Variants in KCNQ1 observed in about 807,000 individuals in gnomAD.
KCNQ1 encodes potassium voltage-gated channel subfamily KQT member 1.
Under a neutral mutation model 72.4 loss-of-function variants are expected in KCNQ1, and 49 were observed. That is an observed-to-expected ratio of 0.68 (90% CI 0.54 to 0.86). The LOEUF is 0.86. KCNQ1 is among the 40% of genes least tolerant of loss of function. The pLI is 0.00. For missense variants in KCNQ1, 790 were observed against 945.1 expected, an observed-to-expected ratio of 0.84 and a Z score of 2.15; for synonymous variants, 450 against 412.6, an observed-to-expected ratio of 1.09 and a Z score of -1.10.
At chr11:2,631,355 CAA>C in intron 10 of KCNQ1, 3 of 398,462 alleles carry the variant, frequency 7.5e-6, no homozygotes, top group Non-Finnish European at 1.3e-5. Flanking sequence ...TCTATTTGAT[CAA>C]GTCTGCTGCT....
In KCNQ1 at chr11:2,458,450, T is replaced by C. The variant is rs934740995; in HGVS notation, c.386+12966T>C. ...GGGGAAACCCAGTAGCTGATGGGGT[T>C]GCGTCCTTCTTTGGGACTCCCGCAG... On this transcript the variant is annotated intron_variant, in intron 1 of 15. Transcript: ENST00000155840. This position sits in a 1 kb window ranked among gnomAD's most constrained non-coding sequence, Gnocchi z 4.6. Among the ~76,000 whole-genome samples the C allele has an allele frequency of 6.6e-6, 1 of 152,250 alleles. No individual in the cohort carries two copies. The highest frequency in any genetic ancestry group is 2.4e-5 in the African/African-American group (1 of 41,464).
intron 11 of KCNQ1, among the ~76,000 whole-genome samples, chr11:2,730,196 C>A (rs1178126116): frequency 6.6e-6 from 1 of 152,182 alleles, no homozygotes; most frequent in Non-Finnish European, 1.5e-5. Flanking sequence ...CTGCACTAGT[C>A]CAGGCGGAGG....
At position 2,566,358 on chromosome 11, in the gene KCNQ1, C is replaced by T. The variant is rs1183385854; in HGVS notation, c.478-4270C>T. On this transcript the variant is annotated intron_variant, in intron 2 of 15. Coordinates refer to ENST00000155840, the MANE Select transcript of KCNQ1 (RefSeq NM_000218.3). This position sits in a 1 kb window ranked among gnomAD's most constrained non-coding sequence, Gnocchi z 6.7. Reference sequence around the variant, plus strand: ...CCTCACCTGCCAGTGTCCTCTCCCACACCCGAGGACACCTGTACCTTGTCC... The same window carrying T: ...CCTCACCTGCCAGTGTCCTCTCCCATACCCGAGGACACCTGTACCTTGTCC... Among the ~76,000 whole-genome samples the T allele has an allele frequency of 6.6e-6, 1 of 152,216 alleles. No individual in the cohort carries two copies. The highest frequency in any genetic ancestry group is 2.4e-5 in the African/African-American group (1 of 41,454).
intron 10 of KCNQ1, chr11:2,648,992 T>C (rs1389754024): frequency 5.2e-6 from 2 of 388,232 alleles, no homozygotes; most frequent in Non-Finnish European, 9.1e-6. Context: ...TTTTTTTTTT[T>C]TTTTTTTTTT....
chr11:2,579,620 C>T lies in KCNQ1; in HGVS notation c.922-3815C>T, dbSNP rs980367542. 3.9e-5 allele frequency among the ~76,000 whole-genome samples: 6 copies of T among 152,282 alleles called. No homozygotes were observed. The South Asian group carries it at 8.3e-4, about 21-fold the overall frequency. ...TAACTTGAGGATGAGGGTCTGGGGC[C>T]GGGTCTGGGCAGACAGGCAGACCAG... On this transcript the variant is annotated intron_variant, in intron 6 of 15. Coordinates refer to ENST00000155840, the MANE Select transcript of KCNQ1 (RefSeq NM_000218.3). The surrounding 1 kb of genome is among the most constrained non-coding windows in gnomAD (Gnocchi z 6.0).
chr11:2,515,160 AC>A lies in KCNQ1; in HGVS notation c.387-12765del, dbSNP rs1318602957. ...GTTATACTCAATAGGTAATTTTTCA[AC>A]CCTCCCCCTCTCACCCTCTCCACCT... is the stretch of plus-strand genomic sequence containing the variant. On this transcript the variant is annotated intron_variant, in intron 1 of 15. Transcript: ENST00000155840. This position sits in a 1 kb window ranked among gnomAD's most constrained non-coding sequence, Gnocchi z 4.7. Among the ~76,000 whole-genome samples, 5 of 151,242 alleles carry A rather than the reference AC, an allele frequency of 3.3e-5. No individual in the cohort carries two copies. Among genetic ancestry groups the A allele is most frequent in the Non-Finnish European group, 7.4e-5 (5 of 67,812 alleles).
intron 6 of KCNQ1, among the ~76,000 whole-genome samples, chr11:2,573,574 G>A (rs1256991526): frequency 6.6e-6 from 1 of 152,220 alleles, no homozygotes; most frequent in East Asian, 1.9e-4. Flanking sequence ...GGGCAGTGGC[G>A]ACATAGGTGC....
chr11:2,846,285 C>G (rs1281666002), intron 15 of KCNQ1, among the ~76,000 whole-genome samples: 2 of 152,218 alleles, frequency 1.3e-5, no homozygotes, highest in Non-Finnish European at 2.9e-5. Flanking sequence ...GTGCCTCTCT[C>G]TGGAGCCATA....
At chr11:2,607,394 T>C (rs1454372162) in intron 10 of KCNQ1, among the ~76,000 whole-genome samples, 1 of 152,206 alleles carries the variant, frequency 6.6e-6, no homozygotes, top group African/African-American at 2.4e-5. Context: ...ATGTATATGT[T>C]GAAATCCTAA....
intron 15 of KCNQ1, among the ~76,000 whole-genome samples, chr11:2,812,750 C>G (rs1027137424): frequency 6.6e-6 from 1 of 152,130 alleles, no homozygotes. Flanking sequence ...GTGGGCCCCA[C>G]GCCCCCGAGG....
At position 2,642,421 on chromosome 11, in the gene KCNQ1, T is replaced by C. The variant is rs569696531; in HGVS notation, c.1394-19540T>C. The C allele has an allele frequency of 2.3e-5, 9 of 398,102 alleles. No homozygotes were observed. Among genetic ancestry groups the C allele is most frequent in the South Asian group, 2.5e-4 (2 of 7,850 alleles). The allele number at this position is 398,102 out of a possible 1,614,324, so 24.7% of individuals were successfully genotyped here. A position where few individuals can be genotyped will look rare whatever the true frequency, so the allele number is the denominator to read the frequency against. The stretch of plus-strand genomic sequence containing the variant: ...TCTCAGCTGGTTCTTTATTGGTATA[T>C]AGAAATAAGCCTGATTTTTAAATCC... On this transcript the variant is annotated intron_variant, in intron 10 of 15. Transcript: ENST00000155840. This position sits in a 1 kb window ranked among gnomAD's most constrained non-coding sequence, Gnocchi z 4.3.
chr11:2,791,731 G>C (rs12790738), intron 15 of KCNQ1, among the ~76,000 whole-genome samples: 5,253 of 152,166 alleles, frequency 0.035, 138 homozygotes, highest in Non-Finnish European at 0.054. Context: ...TCCCGGGCTC[G>C]GGTTCTGGCC....
In KCNQ1 at chr11:2,676,482, G is replaced by C. The variant is rs1850296828; in HGVS notation, c.1514+14401G>C. 2 of 398,530 alleles carry C rather than the reference G, an allele frequency of 5.0e-6. No homozygotes were observed. The highest frequency in any genetic ancestry group is 8.8e-5 in the Admixed American group (2 of 22,706). 24.7% of individuals were successfully genotyped at this position (398,530 alleles called of 1,614,324 possible). On this transcript the variant is annotated intron_variant, in intron 11 of 15. Transcript: ENST00000155840. The surrounding 1 kb of genome is among the most constrained non-coding windows in gnomAD (Gnocchi z 4.2). ...CAGATTGTTAGCTGTAGTCTTTCTG[G>C]CATCAGTTCCATTTCTGGTGAACAC...
Position 2,827,862 on chromosome 11 carries a change from C to T in KCNQ1, c.1795-19905C>T, listed in dbSNP as rs898147864. On this transcript the variant is annotated intron_variant, in intron 15 of 15. Coordinates refer to ENST00000155840, the MANE Select transcript of KCNQ1 (RefSeq NM_000218.3). The surrounding 1 kb of genome is among the most constrained non-coding windows in gnomAD (Gnocchi z 6.7). ...AGAGGAAGGGGCGGGCAGAAGGCAG[C>T]GAGAGCTTTGTTTGGGGTGTGTCGA... is the stretch of plus-strand genomic sequence containing the variant. Among the ~76,000 whole-genome samples the T allele has an allele frequency of 6.6e-5, 10 of 152,212 alleles. No homozygotes were observed. The highest frequency in any genetic ancestry group is 2.4e-4 in the African/African-American group (10 of 41,522).
Position 2,508,106 on chromosome 11 carries a change from C to G in KCNQ1, c.387-19822C>G, listed in dbSNP as rs562313535. Among the ~76,000 whole-genome samples, 6 of 152,188 alleles carry G rather than the reference C, an allele frequency of 3.9e-5. No homozygotes were observed. The highest frequency in any genetic ancestry group is 8.8e-5 in the Non-Finnish European group (6 of 68,028). On this transcript the variant is annotated intron_variant, in intron 1 of 15. Coordinates refer to ENST00000155840, the MANE Select transcript of KCNQ1 (RefSeq NM_000218.3). This position sits in a 1 kb window ranked among gnomAD's most constrained non-coding sequence, Gnocchi z 6.2. The stretch of plus-strand genomic sequence containing the variant: ...CCCACAGAGCTGGCCTGGGCCCCAG[C>G]AGGGGTCTGTGTTGCCTTGGCCCCA...
chr11:2,677,621 G>T lies in KCNQ1; in HGVS notation c.1514+15540G>T. The T allele has an allele frequency of 2.5e-6, 1 of 398,378 alleles. No homozygotes were observed. 24.7% of individuals were successfully genotyped at this position (398,378 alleles called of 1,614,324 possible). On this transcript the variant is annotated intron_variant, in intron 11 of 15. Coordinates refer to ENST00000155840, the MANE Select transcript of KCNQ1 (RefSeq NM_000218.3). This position sits in a 1 kb window ranked among gnomAD's most constrained non-coding sequence, Gnocchi z 4.5. Reference sequence around the variant, plus strand: ...CTCTGGATTTGTTTTTTTCTAAAACGTGTACATAATTGTAACTCTAACAAC... The same window carrying T: ...CTCTGGATTTGTTTTTTTCTAAAACTTGTACATAATTGTAACTCTAACAAC...
Position 2,818,386 on chromosome 11 carries a change from C to T in KCNQ1, c.1795-29381C>T, listed in dbSNP as rs1282016305. ...GCCACCGTCCCAGGTGTGGCTAAGG[C>T]CCCCACAGAGTGTGCATCCTAAGGT... On this transcript the variant is annotated intron_variant, in intron 15 of 15. Transcript: ENST00000155840. The surrounding 1 kb of genome is among the most constrained non-coding windows in gnomAD (Gnocchi z 7.2). Among the ~76,000 whole-genome samples, 1 of 152,216 alleles carries T rather than the reference C, an allele frequency of 6.6e-6. No individual in the cohort carries two copies. Among genetic ancestry groups the T allele is most frequent in the African/African-American group, 2.4e-5 (1 of 41,452 alleles).
At chr11:2,847,262 G>A (rs1440939033) in intron 15 of KCNQ1, among the ~76,000 whole-genome samples, 3 of 152,200 alleles carry the variant, frequency 2.0e-5, no homozygotes, top group Admixed American at 6.5e-5. Flanking sequence ...AGCCAGCCTT[G>A]CTGAACTCTG....
intron 12 of KCNQ1, among the ~76,000 whole-genome samples, chr11:2,770,036 C>A (rs970327660): frequency 1.3e-5 from 2 of 152,160 alleles, no homozygotes; most frequent in African/African-American, 4.8e-5. Flanking sequence ...GGAAGATCAT[C>A]TTGACTTCAG....
Sources: gnomAD v4.1 joint callset for allele counts (sites outside exome capture counted in the v4.1 genomes callset) on GRCh38, gnomAD v4.1.1 for gene constraint, Gnocchi (gnomAD v3.1) non-coding constraint, MANE v1.5 for transcripts, NCBI Gene and HGNC (gene_info 2026-07-23, HGNC 2026-07-21) for gene names.